Variants in BCL11A observed in about 807,000 individuals in gnomAD.
BCL11A encodes BCL11 transcription factor A, also known as B cell CLL/lymphoma 11A.
Under a neutral mutation model 55.9 loss-of-function variants are expected in BCL11A, and 2 were observed. The observed-to-expected ratio is 0.04, with a 90% CI of 0.01 to 0.11. BCL11A has a LOEUF of 0.11. BCL11A is among the 10% of genes least tolerant of loss of function. The pLI is 1.00. For missense variants in BCL11A, 817 were observed against 1,137.1 expected, an observed-to-expected ratio of 0.72 and a Z score of 4.05; for synonymous variants, 465 against 473.4, an observed-to-expected ratio of 0.98 and a Z score of 0.23.
In BCL11A at chr2:60,462,290, T is replaced by A. The variant is rs755540521; in HGVS notation, c.622A>T (p.Thr208Ser). The A allele has an allele frequency of 1.9e-6, 3 of 1,613,900 alleles. No homozygotes were observed. The highest frequency in any genetic ancestry group is 2.2e-5 in the South Asian group (2 of 91,060). The change falls in exon 4 of 4, where the codon ACC becomes TCC. Residue 208 changes from threonine (T) to serine (S), a missense_variant. Coordinates refer to ENST00000642384, the MANE Select transcript of BCL11A (RefSeq NM_022893.4). ...YLESEHGSPL[T>S]PRVGIPSGLG... ...CCTGAAGGGATACCAACCCGCGGGG[T>A]CAGGGGACTTCCGTGTTCGCTTTCT...
chr2:60,544,117 G>A (rs894835711), intron 2 of BCL11A: 1 of 152,180 alleles, frequency 6.6e-6, no homozygotes, highest in Admixed American at 6.5e-5. Context: ...ATCTAAGACT[G>A]AATAACCTAT....
intron 2 of BCL11A, among the ~76,000 whole-genome samples, chr2:60,492,662 A>C (rs1678707804): frequency 6.6e-6 from 1 of 151,938 alleles, no homozygotes; most frequent in Non-Finnish European, 1.5e-5. Flanking sequence ...CAACTTCTAT[A>C]AAATCTCAGA....
downstream of BCL11A, among the ~76,000 whole-genome samples, chr2:60,453,953 G>A (rs533505916): frequency 5.9e-5 from 9 of 152,212 alleles, no homozygotes; most frequent in South Asian, 4.1e-4. Context: ...ACAATGACCC[G>A]TGTGAACTGG....
At chr2:60,544,847 C>T (rs2104740851) in intron 2 of BCL11A, 2 of 152,270 alleles carry the variant, frequency 1.3e-5, no homozygotes, top group Middle Eastern at 3.4e-3. Context: ...GTCTAACATG[C>T]TCAAGCAAAA....
chr2:60,455,903 C>T (rs1243604741), downstream of BCL11A, among the ~76,000 whole-genome samples: 1 of 152,060 alleles, frequency 6.6e-6, no homozygotes, highest in African/African-American at 2.4e-5. Flanking sequence ...GAAACCTAAT[C>T]CAAAACACAT....
At chr2:60,520,814 C>A (rs544004048) in intron 2 of BCL11A, among the ~76,000 whole-genome samples, 4 of 151,670 alleles carry the variant, frequency 2.6e-5, no homozygotes, top group Admixed American at 2.6e-4. Flanking sequence ...AGCCACCAAC[C>A]GAACCAAAAA....
At chr2:60,543,812 T>C (rs1339326365) in intron 2 of BCL11A, 2 of 152,232 alleles carry the variant, frequency 1.3e-5, no homozygotes, top group Non-Finnish European at 2.9e-5. Flanking sequence ...CCATTGAATA[T>C]CTTAGACATC....
At chr2:60,552,737 G>C (rs542986998) in intron 1 of BCL11A, among the ~76,000 whole-genome samples, 1 of 152,206 alleles carries the variant, frequency 6.6e-6, no homozygotes, top group South Asian at 2.1e-4. Flanking sequence ...CCCGGGAATC[G>C]TTTTTTAGAC....
intron 2 of BCL11A, among the ~76,000 whole-genome samples, chr2:60,505,839 C>T (rs1679559103): frequency 6.6e-6 from 1 of 152,186 alleles, no homozygotes; most frequent in Admixed American, 6.5e-5. Flanking sequence ...CTGAGAACAA[C>T]TCTACCTGAG....
chr2:60,494,835 C>T (rs1413757722), intron 2 of BCL11A, among the ~76,000 whole-genome samples: 1 of 152,122 alleles, frequency 6.6e-6, no homozygotes, highest in African/African-American at 2.4e-5. Context: ...AGTTATCAGG[C>T]CCTTTCCCCA....
chr2:60,500,318 G>A (rs1331703203), intron 2 of BCL11A, among the ~76,000 whole-genome samples: 1 of 152,216 alleles, frequency 6.6e-6, no homozygotes, highest in African/African-American at 2.4e-5. Flanking sequence ...TAGGGCAGGT[G>A]AGGTTCCCGG....
At chr2:60,530,912 T>C (rs923708153) in intron 2 of BCL11A, among the ~76,000 whole-genome samples, 3 of 152,130 alleles carry the variant, frequency 2.0e-5, no homozygotes, top group African/African-American at 7.2e-5. Flanking sequence ...CTTTTCCCTT[T>C]CTATTCAAGA....
At chr2:60,509,795 T>C (rs1373301075) in intron 2 of BCL11A, among the ~76,000 whole-genome samples, 1 of 152,116 alleles carries the variant, frequency 6.6e-6, no homozygotes, top group Non-Finnish European at 1.5e-5. Context: ...CTCTTTCCCC[T>C]CACGATCTTC....
intron 2 of BCL11A, chr2:60,527,355 A>T (rs1449925441): frequency 1.3e-5 from 2 of 152,186 alleles, no homozygotes; most frequent in Non-Finnish European, 2.9e-5. Context: ...TAAAACTAAG[A>T]GCTTCTCTTC....
At chr2:60,465,399 T>C (rs1205766852) in intron 3 of BCL11A, among the ~76,000 whole-genome samples, 1 of 152,240 alleles carries the variant, frequency 6.6e-6, no homozygotes, top group Non-Finnish European at 1.5e-5. Flanking sequence ...TTACGGGGAT[T>C]GTTTTGATTT....
At position 60,553,294 on chromosome 2, in the gene BCL11A, G is replaced by A. The variant is rs1005241827; in HGVS notation, c.-24C>T. On this transcript the variant is annotated 5_prime_UTR_variant, in exon 1 of 4. Transcript: ENST00000642384. The stretch of plus-strand genomic sequence containing the variant: ...ATGGTGGGCTGCGGGGCGGGCGGCG[G>A]CGGCGGCGGCGGCGGCGGCGGGCGG... The A allele has an allele frequency of 3.3e-6, 5 of 1,524,494 alleles. No individual in the cohort carries two copies. The Admixed American group carries it at 9.1e-5, about 28-fold the overall frequency. 94.4% of individuals were successfully genotyped at this position (1,524,494 alleles called of 1,614,324 possible). A position where few individuals can be genotyped will look rare whatever the true frequency, so the allele number is the denominator to read the frequency against.
Position 60,461,607 on chromosome 2 carries a change from CGTCATG to C in BCL11A, c.1299_1304del (p.Met434_Thr435del), listed in dbSNP as rs1645375684. 1 of 1,613,434 alleles carries C rather than the reference CGTCATG, an allele frequency of 6.2e-7. No homozygotes were observed. Among genetic ancestry groups the C allele is most frequent in the Non-Finnish European group, 8.5e-7 (1 of 1,180,048 alleles). ...TGGAGAGACCGTCGTCGGACTTGAC[CGTCATG>C]GGGGACGATTTGTGCATGTGCGTCT... is the stretch of plus-strand genomic sequence containing the variant. On this transcript the variant is annotated inframe_deletion, in exon 4 of 4. Transcript: ENST00000642384.
chr2:60,492,615 C>CCTCTCTCT (rs3028027), intron 2 of BCL11A, among the ~76,000 whole-genome samples: 35 of 144,620 alleles, frequency 2.4e-4, no homozygotes, highest in African/African-American at 7.9e-4. Flanking sequence ...AGTGGGCCTC[C>CCTCTCTCT]CTCTCTCTCT....
At chr2:60,534,715 T>C (rs1032951710) in intron 2 of BCL11A, 8 of 152,226 alleles carry the variant, frequency 5.3e-5, no homozygotes, top group African/African-American at 1.9e-4. Context: ...TAAAGGAAAC[T>C]TGGCAAGAAG....
Sources: gnomAD v4.1 joint callset for allele counts (sites outside exome capture counted in the v4.1 genomes callset) on GRCh38, gnomAD v4.1.1 for gene constraint, MANE v1.5 for transcripts, NCBI Gene and HGNC (gene_info 2026-07-23, HGNC 2026-07-21) for gene names.